Variants in NAV2 observed in about 807,000 individuals in gnomAD.
NAV2 encodes the protein neuron navigator 2.
A neutral mutation model predicts 223.2 loss-of-function variants in NAV2; 54 were observed. The ratio of observed to expected loss-of-function variants is 0.24; its 90% CI spans 0.19 to 0.30. The LOEUF (loss-of-function observed/expected upper bound fraction) is 0.30, where lower values mean the gene tolerates loss of function less well. Ranked by LOEUF, NAV2 falls within the 10% of genes least tolerant of loss-of-function variation. The pLI is 1.00. For missense variants in NAV2, 2,806 were observed against 3,147.5 expected, an observed-to-expected ratio of 0.89 and a Z score of 2.60; for synonymous variants, 1,279 against 1,239.3, an observed-to-expected ratio of 1.03 and a Z score of -0.67.
intron 1 of NAV2, among the ~76,000 whole-genome samples, chr11:19,779,601 G>A (rs1355486976): frequency 6.6e-6 from 1 of 152,138 alleles, no homozygotes; most frequent in Non-Finnish European, 1.5e-5. Context: ...ACTAATCCCT[G>A]AATCAGTTTT....
chr11:19,601,861 C>A (rs1038881423), intron 1 of NAV2, among the ~76,000 whole-genome samples: 3 of 152,182 alleles, frequency 2.0e-5, no homozygotes, highest in African/African-American at 7.2e-5. Context: ...AAACAAAGAG[C>A]AGGAACTTCT....
intron 1 of NAV2, among the ~76,000 whole-genome samples, chr11:19,461,997 C>T (rs982168349): frequency 6.6e-6 from 1 of 152,116 alleles, no homozygotes; most frequent in East Asian, 1.9e-4. Flanking sequence ...TTAGTAGAGA[C>T]GCAGTTTCAC....
At chr11:19,749,517 T>C (rs1042353197) in intron 1 of NAV2, among the ~76,000 whole-genome samples, 1 of 152,230 alleles carries the variant, frequency 6.6e-6, no homozygotes, top group African/African-American at 2.4e-5. Context: ...ACACATCCTT[T>C]AACTTCCCCT....
chr11:19,905,747 T>C (rs1403220542), intron 6 of NAV2, among the ~76,000 whole-genome samples: 1 of 152,200 alleles, frequency 6.6e-6, no homozygotes, highest in African/African-American at 2.4e-5. Flanking sequence ...CAAGGATTCT[T>C]ACCTAGGTCA....
intron 1 of NAV2, among the ~76,000 whole-genome samples, chr11:19,398,478 T>C (rs12363736): frequency 0.2 from 30,443 of 152,024 alleles, 3,437 homozygotes; most frequent in South Asian, 0.4. Context: ...CCTGTCTCTG[T>C]CCCTTTAAAC....
At chr11:20,067,626 T>A (rs1182626337) in intron 20 of NAV2, among the ~76,000 whole-genome samples, 1 of 150,440 alleles carries the variant, frequency 6.6e-6, no homozygotes, top group Non-Finnish European at 1.5e-5. Context: ...TATGGGTGCA[T>A]GCCATCACAC....
At chr11:19,705,413 G>C (rs1565182080) in intron 1 of NAV2, among the ~76,000 whole-genome samples, 3 of 152,138 alleles carry the variant, frequency 2.0e-5, no homozygotes, top group South Asian at 4.1e-4. Context: ...CCTGGACCCA[G>C]CTCCTTGTTA....
chr11:19,475,893 C>G (rs1453191492), intron 1 of NAV2, among the ~76,000 whole-genome samples: 3 of 152,250 alleles, frequency 2.0e-5, no homozygotes, highest in Admixed American at 1.3e-4. Context: ...GTGGCTGCCC[C>G]TTGGCTCCAG....
At chr11:19,872,288 C>A (rs573391221) in intron 4 of NAV2, among the ~76,000 whole-genome samples, 1 of 152,070 alleles carries the variant, frequency 6.6e-6, no homozygotes, top group Non-Finnish European at 1.5e-5. Flanking sequence ...TTATTTAGTA[C>A]CCCCAGCAAC....
At chr11:20,015,782 A>G (rs959060730) in intron 11 of NAV2, among the ~76,000 whole-genome samples, 2 of 152,194 alleles carry the variant, frequency 1.3e-5, no homozygotes, top group Admixed American at 6.5e-5. Flanking sequence ...ATAGTGTGGA[A>G]TTTGGTAAAT....
chr11:19,866,285 T>C (rs2062085726), intron 3 of NAV2, among the ~76,000 whole-genome samples: 1 of 152,200 alleles, frequency 6.6e-6, no homozygotes, highest in South Asian at 2.1e-4. Flanking sequence ...CCTCTATCCA[T>C]AAGATGCGAG....
chr11:19,592,889 G>A (rs750627212), intron 1 of NAV2, among the ~76,000 whole-genome samples: 1 of 152,142 alleles, frequency 6.6e-6, no homozygotes, highest in Non-Finnish European at 1.5e-5. Flanking sequence ...TGCAAAGATG[G>A]TACTGAGAGA....
intron 1 of NAV2, among the ~76,000 whole-genome samples, chr11:19,443,419 C>T (rs953444779): frequency 1.3e-5 from 2 of 152,218 alleles, no homozygotes; most frequent in Non-Finnish European, 2.9e-5. Flanking sequence ...TGCATCCCCA[C>T]TCTCTCTCCC....
At chr11:19,523,833 G>A (rs55888289) in intron 1 of NAV2, among the ~76,000 whole-genome samples, 10 of 152,228 alleles carry the variant, frequency 6.6e-5, no homozygotes, top group African/African-American at 2.2e-4. Context: ...CGCCCACTCT[G>A]AGCCTCCTGT....
chr11:19,742,567 G>C (rs988066522), intron 1 of NAV2, among the ~76,000 whole-genome samples: 3 of 152,158 alleles, frequency 2.0e-5, no homozygotes, highest in Non-Finnish European at 4.4e-5. Flanking sequence ...GTGGCTGGCA[G>C]TTCATGCCTC....
intron 1 of NAV2, among the ~76,000 whole-genome samples, chr11:19,383,498 A>G (rs1174362328): frequency 2.0e-5 from 3 of 152,214 alleles, no homozygotes; most frequent in African/African-American, 7.2e-5. Context: ...GCTCCCAACA[A>G]TATAGACCCT....
intron 1 of NAV2, among the ~76,000 whole-genome samples, chr11:19,777,240 G>T (rs1323407274): frequency 6.6e-6 from 1 of 151,530 alleles, no homozygotes; most frequent in Non-Finnish European, 1.5e-5. Context: ...CGAGAGCTGG[G>T]CAGCGCGGGC....
At position 19,536,678 on chromosome 11, in the gene NAV2, T is replaced by C. The variant is rs116791544; in HGVS notation, c.75+185651T>C. 2.1e-3 allele frequency among the ~76,000 whole-genome samples: 325 copies of C among 152,328 alleles called. 3 individuals carry two copies. Among genetic ancestry groups the C allele is most frequent in the African/African-American group, 7.1e-3 (296 of 41,566 alleles). On this transcript the variant is annotated intron_variant, in intron 1 of 37. Coordinates refer to the NAV2 transcript ENST00000360655. Reference sequence around the variant, plus strand: ...GAGAAGTTAAGTGACTTGTCCCAGGTCATATACCCAACTGGTGGGCAGACT... The same window carrying C: ...GAGAAGTTAAGTGACTTGTCCCAGGCCATATACCCAACTGGTGGGCAGACT...
chr11:19,807,164 T>A lies in NAV2; in HGVS notation c.268-25320T>A, dbSNP rs182610537. ...GTAAATGCGTTAGCAACCCATGGCC[T>A]TTCTGTTCATTCATAGAAAATCCCA... On this transcript the variant is annotated intron_variant, in intron 1 of 37. Transcript: ENST00000349880. Among the ~76,000 whole-genome samples, 195 of 152,314 alleles carry A rather than the reference T, an allele frequency of 1.3e-3. 2 individuals are homozygous for A. Among genetic ancestry groups the A allele is most frequent in the Non-Finnish European group, 1.9e-3 (127 of 68,022 alleles).
Sources: allele counts gnomAD v4.1 joint callset (sites outside exome capture counted in the v4.1 genomes callset), GRCh38; gene constraint gnomAD v4.1.1; transcripts MANE v1.5; gene names NCBI Gene and HGNC (gene_info 2026-07-23, HGNC 2026-07-21).